The following KCTD20 variants were observed in gnomAD, a reference collection of about 807,000 sequenced individuals.
The protein encoded by KCTD20 is BTB/POZ domain-containing protein KCTD20.
In KCTD20, 30 loss-of-function variants were observed where a neutral mutation model predicts 39.6. The ratio of observed to expected loss-of-function variants is 0.76; its 90% CI spans 0.57 to 1.03. KCTD20 has a LOEUF of 1.03. Among genes scored for constraint, KCTD20 ranks in the 50% least tolerant of loss-of-function variants. The probability of loss-of-function intolerance (pLI) is 0.00; values close to 1 mark genes in which losing one functional copy is unlikely to be tolerated. For missense variants in KCTD20, 422 were observed against 522.0 expected, an observed-to-expected ratio of 0.81 and a Z score of 1.87; for synonymous variants, 162 against 180.6, an observed-to-expected ratio of 0.90 and a Z score of 0.83.
intron 2 of KCTD20, among the ~76,000 whole-genome samples, chr6:36,473,665 C>G (rs954611015): frequency 6.6e-6 from 1 of 151,738 alleles, no homozygotes; most frequent in Non-Finnish European, 1.5e-5. Context: ...CCCAGCTGCT[C>G]GGGAGGCTGA....
At chr6:36,457,525 T>C (rs1459305502) in intron 1 of KCTD20, among the ~76,000 whole-genome samples, 5 of 152,048 alleles carry the variant, frequency 3.3e-5, no homozygotes, top group South Asian at 2.1e-4. Flanking sequence ...TTAGGCAACA[T>C]AGTGAGACTC....
At position 36,490,821 on chromosome 6, in the gene KCTD20, C is replaced by T. The variant is rs375343982; in HGVS notation, c.*3646C>T. On this transcript the variant is annotated 3_prime_UTR_variant, in exon 8 of 8. Coordinates refer to ENST00000373731, the MANE Select transcript of KCTD20 (RefSeq NM_173562.5). ...CTGCACTCCAGCCTGGATGACAGGG[C>T]AAGACCCTGTCTCAATATTTTAAGT... 6.6e-6 allele frequency: 1 copy of T among 152,194 alleles called. No individual in the cohort carries two copies. The highest frequency in any genetic ancestry group is 2.4e-5 in the African/African-American group (1 of 41,452). The allele number at this position is 152,194 out of a possible 1,614,324, so 9.4% of individuals were successfully genotyped here. A position where few individuals can be genotyped will look rare whatever the true frequency, so the allele number is the denominator to read the frequency against.
chr6:36,470,135 T>G lies in KCTD20; in HGVS notation c.38T>G (p.Leu13Trp). ...CGTGGCAGTGACAGTGACAGGTTAT[T>G]GCGGCAGGAGGCCAGCTGCTTAGTG... ...VHRGSDSDRL[L>W]RQEASCLVDD... The change falls in exon 2 of 8, where the codon TTG becomes TGG. Residue 13 changes from leucine (L) to tryptophan (W), a missense_variant. Leu to Trp is a moderately conservative substitution (Grantham distance 61). Coordinates refer to ENST00000373731, the MANE Select transcript of KCTD20 (RefSeq NM_173562.5). 1 of 1,614,128 alleles carries G rather than the reference T, an allele frequency of 6.2e-7. No homozygotes were observed. Among genetic ancestry groups the G allele is most frequent in the Non-Finnish European group, 8.5e-7 (1 of 1,179,984 alleles).
rs748850127 is a variant in KCTD20 at position 36,479,636 on chromosome 6, A to T, written c.583A>T (p.Ile195Phe). The change falls in exon 5 of 8, where the codon ATC becomes TTC. Residue 195 changes from isoleucine to phenylalanine, a missense_variant. Coordinates refer to ENST00000373731, the MANE Select transcript of KCTD20 (RefSeq NM_173562.5). Reference sequence around the variant, plus strand: ...CATCAATTGTCCTGATGGCATCTCTATCCCAGATCTTAGAGATACTTGTGA... The same window carrying T: ...CATCAATTGTCCTGATGGCATCTCTTTCCCAGATCTTAGAGATACTTGTGA... Reference protein sequence around the residue: ...GIINCPDGISIPDLRDTCDYL... With the variant: ...GIINCPDGISFPDLRDTCDYL... 2 of 1,609,996 alleles carry T rather than the reference A, an allele frequency of 1.2e-6. No homozygotes were observed. Among genetic ancestry groups the T allele is most frequent in the Non-Finnish European group, 8.5e-7 (1 of 1,178,098 alleles).
chr6:36,443,404 A>G (rs1437750997), intron 1 of KCTD20: 1 of 152,044 alleles, frequency 6.6e-6, no homozygotes, highest in Non-Finnish European at 1.5e-5. Context: ...TGACTGCTTG[A>G]CTGCTTTTTG....
In KCTD20 at chr6:36,486,936, G is replaced by A. The variant is rs770533818; in HGVS notation, c.1021G>A (p.Val341Ile). The change falls in exon 8 of 8, where the codon GTC (valine) becomes ATC (isoleucine). Residue 341 changes from valine to isoleucine, a missense_variant. Physicochemically the swap from Val to Ile is conservative, Grantham distance 29. Transcript: ENST00000373731. ...GAGAAGGCCTGGCGGCCGGTCTGAA[G>A]TCATCTATAATTATGTACAACGCCC... Reference protein sequence around the residue: ...IKRRPGGRSEVIYNYVQRPFI... With the variant: ...IKRRPGGRSEIIYNYVQRPFI... The A allele has an allele frequency of 8.1e-6, 13 of 1,614,070 alleles. No individual in the cohort carries two copies. The highest frequency in any genetic ancestry group is 1.1e-5 in the Non-Finnish European group (13 of 1,180,042).
At chr6:36,464,197 CATT>C (rs1172557671) in intron 1 of KCTD20, among the ~76,000 whole-genome samples, 1 of 152,112 alleles carries the variant, frequency 6.6e-6, no homozygotes, top group African/African-American at 2.4e-5. Context: ...AGTAATTTGA[CATT>C]ATAATTCTGA....
intron 1 of KCTD20, chr6:36,451,655 A>C (rs964428770): frequency 2.6e-5 from 4 of 152,128 alleles, no homozygotes; most frequent in African/African-American, 7.2e-5. Context: ...ACACCCAGCT[A>C]ATTTTTTTAT....
Position 36,457,183 on chromosome 6 carries a change from C to G in KCTD20, c.-46-12869C>G, listed in dbSNP as rs148937002. On this transcript the variant is annotated intron_variant, in intron 1 of 7. Coordinates refer to ENST00000373731, the MANE Select transcript of KCTD20 (RefSeq NM_173562.5). ...TCCTGGGCTCAAGCAGTCCTCCCAC[C>G]TTGGCTTCCTAAAGTACAGGGATTG... Among the ~76,000 whole-genome samples the G allele has an allele frequency of 4.8e-3, 733 of 152,254 alleles. 4 individuals carry two copies. Among genetic ancestry groups the G allele is most frequent in the African/African-American group, 0.017 (700 of 41,552 alleles).
At chr6:36,481,840 T>G (rs1209581972) in intron 6 of KCTD20, 81 bp downstream of exon 6, 11 of 1,165,148 alleles carry the variant, frequency 9.4e-6, no homozygotes, top group Non-Finnish European at 5.1e-6. Context: ...AGAACCAATG[T>G]GAATATCAAT....
chr6:36,483,924 C>T (rs1203195036), intron 6 of KCTD20, among the ~76,000 whole-genome samples: 1 of 150,598 alleles, frequency 6.6e-6, no homozygotes, highest in Non-Finnish European at 1.5e-5. Flanking sequence ...TTTCTTATTT[C>T]ATGAGTGAGG....
Position 36,475,043 on chromosome 6 carries a change from C to T in KCTD20, c.415C>T (p.Pro139Ser). The change falls in exon 3 of 8, where the codon CCG (proline) becomes TCG (serine). Residue 139 changes from proline (P) to serine (S), a missense_variant. Physicochemically the swap from Pro to Ser is moderately conservative, Grantham distance 74 (BLOSUM62 -1). Transcript: ENST00000373731. ...GAATCCACAGATTTTCACTGCTCATCCGGATACCATGCTGGGAAGGTAACT... is the reference window on the plus strand; with the variant it reads ...GAATCCACAGATTTTCACTGCTCATTCGGATACCATGCTGGGAAGGTAACT... ...VVNPQIFTAH[P>S]DTMLGRMFGP... is the part of the protein sequence containing the mutation. The T allele has an allele frequency of 6.2e-7, 1 of 1,613,838 alleles. No homozygotes were observed. Among genetic ancestry groups the T allele is most frequent in the Non-Finnish European group, 8.5e-7 (1 of 1,179,812 alleles).
At chr6:36,448,015 G>GTGTGTATATATA (rs559687288) in intron 1 of KCTD20, among the ~76,000 whole-genome samples, 1 of 128,954 alleles carries the variant, frequency 7.8e-6, no homozygotes, top group African/African-American at 3.4e-5. Context: ...ATGTGTGTGT[G>GTGTGTATATATA]TATATATATA....
Position 36,474,909 on chromosome 6 carries a change from T to G in KCTD20, c.281T>G (p.Phe94Cys). The G allele has an allele frequency of 6.2e-7, 1 of 1,614,178 alleles. No homozygotes were observed. The highest frequency in any genetic ancestry group is 8.5e-7 in the Non-Finnish European group (1 of 1,180,044). The change falls in exon 3 of 8, where the codon TTT becomes TGT. Residue 94 changes from phenylalanine to cysteine, a missense_variant. Transcript: ENST00000373731. ...QSGNKRNHEP[F>C]IAPERFGNSS... ...GGGAATAAACGGAACCATGAACCTTTTATTGCTCCAGAAAGATTTGGAAAC... is the reference window on the plus strand; with the variant it reads ...GGGAATAAACGGAACCATGAACCTTGTATTGCTCCAGAAAGATTTGGAAAC...
chr6:36,479,513 C>A, intron 4 of KCTD20, 78 bp from the exon 5 acceptor site: 1 of 1,325,158 alleles, frequency 7.5e-7, no homozygotes, highest in Non-Finnish European at 1.0e-6. Flanking sequence ...TTTAACAAAA[C>A]CAGGAATGCA....
chr6:36,465,487 T>C lies in KCTD20; in HGVS notation c.-46-4565T>C, dbSNP rs560027802. 5.9e-5 allele frequency: 9 copies of C among 151,656 alleles called. No individual in the cohort carries two copies. In the South Asian group the frequency reaches 1.9e-3, roughly 32 times the overall value. 9.4% of individuals were successfully genotyped at this position (151,656 alleles called of 1,614,324 possible). A position where few individuals can be genotyped will look rare whatever the true frequency, so the allele number is the denominator to read the frequency against. Reference sequence around the variant, plus strand: ...ATATCTTGTTTTCTTCAGAAATAATTGATTAGGAGAAATTGCAAATAAGAA... The same window carrying C: ...ATATCTTGTTTTCTTCAGAAATAATCGATTAGGAGAAATTGCAAATAAGAA... On this transcript the variant is annotated intron_variant, in intron 1 of 7. Coordinates refer to ENST00000373731, the MANE Select transcript of KCTD20 (RefSeq NM_173562.5).
At chr6:36,482,513 A>G (rs930591366) in intron 6 of KCTD20, among the ~76,000 whole-genome samples, 6 of 152,230 alleles carry the variant, frequency 3.9e-5, no homozygotes, top group Non-Finnish European at 1.5e-5. Context: ...AGATCACGCC[A>G]TTGCGCTCCA....
intron 5 of KCTD20, among the ~76,000 whole-genome samples, chr6:36,480,002 G>A (rs1302948394): frequency 2.6e-5 from 4 of 151,720 alleles, no homozygotes; most frequent in African/African-American, 7.3e-5. Context: ...CATGTTGGCC[G>A]AGCTGGTTTT....
chr6:36,460,158 T>C (rs1775557287), intron 1 of KCTD20, among the ~76,000 whole-genome samples: 1 of 152,206 alleles, frequency 6.6e-6, no homozygotes, highest in South Asian at 2.1e-4. Flanking sequence ...TGACCTATTA[T>C]GTGCCTTGGA....
Sources: allele counts gnomAD v4.1 joint callset (sites outside exome capture counted in the v4.1 genomes callset), GRCh38; gene constraint gnomAD v4.1.1; transcripts MANE v1.5; gene names NCBI Gene and HGNC (gene_info 2026-07-23, HGNC 2026-07-21).